The following LRBA variants were observed in gnomAD, a reference collection of about 807,000 sequenced individuals.
The protein encoded by LRBA is lipopolysaccharide-responsive and beige-like anchor protein.
A neutral mutation model predicts 330.0 loss-of-function variants in LRBA; 176 were observed. That is an observed-to-expected ratio of 0.53 (90% CI 0.47 to 0.60). The LOEUF is 0.60. LRBA is among the 20% of genes least tolerant of loss of function. LRBA has a pLI of 0.00. For missense variants in LRBA, 3,259 were observed against 3,444.8 expected (o/e 0.95, Z 1.35); for synonymous variants, 1,230 against 1,193.0 (o/e 1.03, Z -0.64).
rs1408097902 is a variant in LRBA at position 150,803,093 on chromosome 4, C to T, written c.5518+3178G>A. Among the ~76,000 whole-genome samples, 1,218 of 144,852 alleles carry T rather than the reference C, an allele frequency of 8.4e-3. 4 individuals are homozygous for T. Among genetic ancestry groups the T allele is most frequent in the African/African-American group, 0.016 (633 of 38,922 alleles). On this transcript the variant is annotated intron_variant, in intron 33 of 56. Transcript: ENST00000651943. ...AAAAAAAAATATATATACACACACA[C>T]ACACACACACACACACATATATACA...
intron 40 of LRBA, among the ~76,000 whole-genome samples, chr4:150,520,017 T>C (rs1358883886): frequency 6.6e-6 from 1 of 152,212 alleles, no homozygotes; most frequent in Non-Finnish European, 1.5e-5. Flanking sequence ...TTTTGTCCAT[T>C]TGTTTTATTG....
At chr4:150,486,291 G>C (rs1757860998) in intron 42 of LRBA, among the ~76,000 whole-genome samples, 1 of 151,758 alleles carries the variant, frequency 6.6e-6, no homozygotes, top group South Asian at 2.1e-4. Context: ...GTTTCCTCTA[G>C]GTAGCACATA....
chr4:150,581,279 C>T (rs373200515), intron 40 of LRBA: 18 of 429,644 alleles, frequency 4.2e-5, no homozygotes, highest in African/African-American at 3.1e-4. Context: ...TTTTAAACAG[C>T]ATATCGAAAT....
At chr4:150,656,455 A>T (rs911486355) in intron 37 of LRBA, among the ~76,000 whole-genome samples, 1 of 152,180 alleles carries the variant, frequency 6.6e-6, no homozygotes, top group Non-Finnish European at 1.5e-5. Context: ...GGTTAGATAA[A>T]ACCAGTCTTC....
At chr4:150,935,727 G>A (rs1481685671) in intron 2 of LRBA, among the ~76,000 whole-genome samples, 1 of 151,686 alleles carries the variant, frequency 6.6e-6, no homozygotes, top group Non-Finnish European at 1.5e-5. Context: ...AAACTGTATG[G>A]TACTAGACAG....
chr4:150,640,772 G>A (rs1778598650), intron 37 of LRBA, among the ~76,000 whole-genome samples: 1 of 151,828 alleles, frequency 6.6e-6, no homozygotes, highest in African/African-American at 2.4e-5. Flanking sequence ...ACTTATTGTC[G>A]AAATGTTACT....
At chr4:150,772,709 G>A (rs755943353) in intron 34 of LRBA, among the ~76,000 whole-genome samples, 12 of 152,124 alleles carry the variant, frequency 7.9e-5, no homozygotes, top group Non-Finnish European at 7.4e-5. Context: ...AAAGGGGCCC[G>A]TCAAAGGCTC....
chr4:150,517,548 T>C (rs1054120585), intron 40 of LRBA, among the ~76,000 whole-genome samples: 10 of 151,840 alleles, frequency 6.6e-5, no homozygotes, highest in Non-Finnish European at 1.5e-4. Flanking sequence ...GAAGGTGTTC[T>C]GGGGGATAGA....
In LRBA at chr4:150,346,771, A is replaced by C. The variant is rs543929052; in HGVS notation, c.7362+3221T>G. On this transcript the variant is annotated intron_variant, in intron 48 of 56. Transcript: ENST00000651943. ...AGACTCTGTCTCAAAAAAAAAAAAA[A>C]AAAAAAAAAAAAAAAACACTTATTT... Among the ~76,000 whole-genome samples the C allele has an allele frequency of 1.3e-3, 199 of 150,562 alleles. 1 individual carries two copies. Among genetic ancestry groups the C allele is most frequent in the Non-Finnish European group, 2.4e-3 (165 of 67,606 alleles).
rs1223206881 is a variant in LRBA, at chr4:150,908,323, A to C, written c.1493+11T>G. Reference sequence around the variant, plus strand: ...TCACAGCCAATTAAAGAAACAAATAAAGGCACTCACCATATAGTCAAATCA... The same window carrying C: ...TCACAGCCAATTAAAGAAACAAATACAGGCACTCACCATATAGTCAAATCA... On this transcript the variant is annotated intron_variant, in intron 11 of 56. Transcript: ENST00000651943. 5 of 1,603,400 alleles carry C rather than the reference A, an allele frequency of 3.1e-6. No individual in the cohort carries two copies. In the South Asian group the frequency reaches 5.7e-5, roughly 18 times the overall value.
At chr4:150,271,508 G>T (rs1293353771) in intron 56 of LRBA, among the ~76,000 whole-genome samples, 1 of 125,334 alleles carries the variant, frequency 8.0e-6, no homozygotes, top group Non-Finnish European at 1.6e-5. Flanking sequence ...AAGTTGACCT[G>T]GGACACTCAA....
chr4:150,474,769 C>T (rs1756529301), intron 42 of LRBA, among the ~76,000 whole-genome samples: 1 of 152,096 alleles, frequency 6.6e-6, no homozygotes, highest in South Asian at 2.1e-4. Flanking sequence ...TAATTTCTCC[C>T]TTCCTTCCTC....
intron 56 of LRBA, among the ~76,000 whole-genome samples, chr4:150,275,491 A>G (rs1224589577): frequency 6.6e-6 from 1 of 152,136 alleles, no homozygotes; most frequent in Non-Finnish European, 1.5e-5. Context: ...AAGTCAAATT[A>G]TCCCTGTTTG....
chr4:150,452,790 T>C (rs1293457826), intron 44 of LRBA, among the ~76,000 whole-genome samples: 1 of 152,172 alleles, frequency 6.6e-6, no homozygotes, highest in African/African-American at 2.4e-5. Context: ...AAGTCTTCAT[T>C]TCACAATGCC....
At chr4:150,435,015 G>C (rs1750924936) in intron 46 of LRBA, among the ~76,000 whole-genome samples, 1 of 151,914 alleles carries the variant, frequency 6.6e-6, no homozygotes, top group Non-Finnish European at 1.5e-5. Flanking sequence ...AGAGAGGAAG[G>C]AGAGATTCTG....
intron 56 of LRBA, among the ~76,000 whole-genome samples, chr4:150,266,472 G>A (rs1327577890): frequency 6.6e-6 from 1 of 152,186 alleles, no homozygotes; most frequent in Non-Finnish European, 1.5e-5. Context: ...CAGGGAAAGA[G>A]ATGGAGAACA....
intron 47 of LRBA, among the ~76,000 whole-genome samples, chr4:150,372,042 A>G (rs1008336207): frequency 6.6e-6 from 1 of 152,160 alleles, no homozygotes; most frequent in Non-Finnish European, 1.5e-5. Context: ...CCTTTGATTT[A>G]ATAAGCCATG....
intron 47 of LRBA, among the ~76,000 whole-genome samples, chr4:150,380,551 AG>A (rs1051549428): frequency 2.3e-4 from 35 of 152,118 alleles, no homozygotes; most frequent in African/African-American, 8.2e-4. Context: ...GAACACTAAA[AG>A]TTTGAGATGA....
At chr4:150,322,411 T>C (rs1345191137) in intron 49 of LRBA, among the ~76,000 whole-genome samples, 1 of 152,206 alleles carries the variant, frequency 6.6e-6, no homozygotes, top group Non-Finnish European at 1.5e-5. Context: ...TCTCCTACCA[T>C]GTCTGTTTTC....
Sources: allele counts gnomAD v4.1 joint callset (sites outside exome capture counted in the v4.1 genomes callset), GRCh38; gene constraint gnomAD v4.1.1; transcripts MANE v1.5; gene names NCBI Gene and HGNC (gene_info 2026-07-23, HGNC 2026-07-21).